The following ARHGEF17 variants were observed in gnomAD, a reference collection of about 807,000 sequenced individuals.
ARHGEF17 encodes the protein 164 kDa Rho-specific guanine-nucleotide exchange factor.
Under a neutral mutation model 174.0 loss-of-function variants are expected in ARHGEF17, and 80 were observed. The ratio of observed to expected loss-of-function variants is 0.46; its 90% CI spans 0.38 to 0.55. The LOEUF (loss-of-function observed/expected upper bound fraction) is 0.55, where lower values mean the gene tolerates loss of function less well. Ranked by LOEUF, ARHGEF17 falls within the 20% of genes least tolerant of loss-of-function variation. The pLI, the probability that ARHGEF17 is intolerant of heterozygous loss-of-function variation, is 0.00. For missense variants in ARHGEF17, 2,886 were observed against 2,839.7 expected (o/e 1.02, Z -0.37); for synonymous variants, 1,311 against 1,189.1 (o/e 1.10, Z -2.11).
rs766113881 is a variant in ARHGEF17 at position 73,309,506 on chromosome 11, G to A, written c.868G>A (p.Gly290Arg). 1.6e-5 allele frequency: 25 copies of A among 1,558,138 alleles called. 1 individual carries two copies. In the South Asian group the frequency reaches 2.8e-4, roughly 18 times the overall value. Residue 290 changes from glycine (G) to arginine (R), a missense_variant, in exon 1 of 21, where the codon GGA becomes AGA. By Grantham distance (125) the Gly-to-Arg change is moderately radical (BLOSUM62 -2). Coordinates refer to ENST00000263674, the MANE Select transcript of ARHGEF17 (RefSeq NM_014786.4). ...AGACGGTGAGGGCGGCCACCGCTGG[G>A]GAGGGAGGCCCGGGCTCAGGCCTGG... ...DRDGEGGHRW[G>R]GRPGLRPGSS...
chr11:73,347,937 C>A (rs1865492101), intron 2 of ARHGEF17, among the ~76,000 whole-genome samples: 1 of 152,086 alleles, frequency 6.6e-6, no homozygotes, highest in African/African-American at 2.4e-5. Flanking sequence ...TGGGGAAGCC[C>A]AAGATGATGT....
At chr11:73,353,242 C>T (rs1008241080) in intron 3 of ARHGEF17, 2 of 592,036 alleles carry the variant, frequency 3.4e-6, no homozygotes, top group African/African-American at 3.7e-5. Flanking sequence ...GACTCCGACC[C>T]CAGCCAGACA....
chr11:73,353,013 G>T lies in ARHGEF17; in HGVS notation c.3453+1G>T. 2 of 1,613,528 alleles carry T rather than the reference G, an allele frequency of 1.2e-6. No individual in the cohort carries two copies. Among genetic ancestry groups the T allele is most frequent in the Non-Finnish European group, 1.7e-6 (2 of 1,179,892 alleles). ...GGTGGGAGCCCTGCTCGTCCAGTCG[G>T]TGAGTGGCCCCGCTGCTGCCAATTC... On this transcript the variant is annotated splice_donor_variant, in intron 3 of 20. Transcript: ENST00000263674. LOFTEE classifies it high-confidence loss of function.
chr11:73,347,387 A>G (rs1734128914), intron 2 of ARHGEF17, among the ~76,000 whole-genome samples: 1 of 152,204 alleles, frequency 6.6e-6, no homozygotes, highest in Admixed American at 6.5e-5. Context: ...AAGAGAGCCC[A>G]GCCCCTGCCA....
Position 73,311,650 on chromosome 11 carries a change from G to A in ARHGEF17, c.3012G>A (p.Glu1004=). The A allele has an allele frequency of 1.2e-6, 2 of 1,613,390 alleles. No individual in the cohort carries two copies. Among genetic ancestry groups the A allele is most frequent in the Non-Finnish European group, 1.7e-6 (2 of 1,179,974 alleles). ...AHPTLQAPSL[E]DVTKQYMLNL... ...CCACGTTGCAGGCACCATCGCTCGA[G>A]GACGTCACCAAGCAGTACATGCTGA... Residue 1004 remains glutamate (E), a synonymous_variant, in exon 1 of 21, where the codon GAG becomes GAA. Transcript: ENST00000263674.
intron 1 of ARHGEF17, among the ~76,000 whole-genome samples, chr11:73,340,609 C>G (rs960277475): frequency 5.9e-5 from 9 of 152,350 alleles, no homozygotes; most frequent in Non-Finnish European, 1.3e-4. Flanking sequence ...CACACTGCCT[C>G]TCAGCCACTC....
intron 1 of ARHGEF17, among the ~76,000 whole-genome samples, chr11:73,312,382 A>G (rs550242256): frequency 6.6e-6 from 1 of 152,184 alleles, no homozygotes; most frequent in East Asian, 1.9e-4. Context: ...TTTATGGAGG[A>G]GCAGAGGGGG....
rs748464742 is a variant in ARHGEF17, at chr11:73,359,859, G to T, written c.4113G>T (p.Glu1371Asp). Residue 1371 changes from glutamate (E) to aspartate (D), a missense_variant, in exon 10 of 21, where the codon GAG becomes GAT. By Grantham distance (45) the Glu-to-Asp change is conservative. Transcript: ENST00000263674. ...GGGCATCCCAAGCCACCAATCGGGA[G>T]AACATCCAGAAGGCCATCAGCCGCC... ...IKGASQATNR[E>D]NIQKAISRLD... is the part of the protein sequence containing the mutation. 6.2e-7 allele frequency: 1 copy of T among 1,612,590 alleles called. No individual in the cohort carries two copies. The highest frequency in any genetic ancestry group is 8.5e-7 in the Non-Finnish European group (1 of 1,179,262).
At chr11:73,342,350 C>A (rs528963172) in intron 1 of ARHGEF17, among the ~76,000 whole-genome samples, 14 of 152,040 alleles carry the variant, frequency 9.2e-5, no homozygotes, top group Non-Finnish European at 1.9e-4. Context: ...TCCTTCAGGC[C>A]CAAGAGCTCC....
At chr11:73,319,024 A>G (rs1323815311) in intron 1 of ARHGEF17, among the ~76,000 whole-genome samples, 1 of 149,494 alleles carries the variant, frequency 6.7e-6, no homozygotes, top group African/African-American at 2.5e-5. Flanking sequence ...CTTCCCCAGC[A>G]TCTTCAAATC....
chr11:73,347,270 G>C (rs903777875), intron 2 of ARHGEF17: 1 of 473,098 alleles, frequency 2.1e-6, no homozygotes, highest in Non-Finnish European at 3.9e-6. Context: ...CTGATGTGCC[G>C]CCTCCATTGT....
At chr11:73,356,430 G>A in intron 6 of ARHGEF17, 79 bp downstream of exon 6, 1 of 1,468,044 alleles carries the variant, frequency 6.8e-7, no homozygotes, top group Non-Finnish European at 9.1e-7. Context: ...TGCATCTGTG[G>A]CCACCTGGAA....
intron 1 of ARHGEF17, among the ~76,000 whole-genome samples, chr11:73,329,406 T>G (rs1865167408): frequency 2.1e-5 from 2 of 95,206 alleles, no homozygotes; most frequent in South Asian, 3.2e-4. Flanking sequence ...TGGGTTTTTG[T>G]TTTTTTTTTT....
intron 1 of ARHGEF17, among the ~76,000 whole-genome samples, chr11:73,344,169 T>C (rs1865422370): frequency 6.6e-6 from 1 of 152,012 alleles, no homozygotes; most frequent in Admixed American, 6.5e-5. Context: ...AGGCTGGGTG[T>C]GAAGGGCTGT....
At chr11:73,334,808 C>T (rs1865260925) in intron 1 of ARHGEF17, among the ~76,000 whole-genome samples, 1 of 152,160 alleles carries the variant, frequency 6.6e-6, no homozygotes, top group African/African-American at 2.4e-5. Flanking sequence ...GGGCTGGAAA[C>T]AGACCCTGGA....
At chr11:73,357,424 TG>T in intron 9 of ARHGEF17, 97 bp downstream of exon 9, 1 of 1,190,494 alleles carries the variant, frequency 8.4e-7, no homozygotes, top group South Asian at 1.5e-5. Context: ...CCTGTCCAGC[TG>T]CTTTTCCACT....
At chr11:73,313,221 TG>T (rs1487631303) in intron 1 of ARHGEF17, among the ~76,000 whole-genome samples, 1 of 150,908 alleles carries the variant, frequency 6.6e-6, no homozygotes, top group Admixed American at 6.6e-5. Context: ...AGGCAGGGAG[TG>T]GGGAGCGGGG....
In ARHGEF17 at chr11:73,346,885, C is replaced by T; in HGVS notation, c.3195C>T (p.Asp1065=). The T allele has an allele frequency of 6.7e-7, 1 of 1,497,426 alleles. No homozygotes were observed. The highest frequency in any genetic ancestry group is 8.9e-7 in the Non-Finnish European group (1 of 1,117,938). 92.8% of individuals were successfully genotyped at this position (1,497,426 alleles called of 1,614,324 possible). A position where few individuals can be genotyped will look rare whatever the true frequency, so the allele number is the denominator to read the frequency against. ...ACCCTCTGCTCCTGTCCCCACAGGACATGCGGAAGCACGTGGCCATGACCC... is the reference window on the plus strand; with the variant it reads ...ACCCTCTGCTCCTGTCCCCACAGGATATGCGGAAGCACGTGGCCATGACCC... ...ASKCCSKPQV[D]MRKHVAMTLL... The change falls in exon 2 of 21, where the codon GAC becomes GAT. Residue 1065 remains aspartate, a splice_region_variant and synonymous_variant. Coordinates refer to ENST00000263674, the MANE Select transcript of ARHGEF17 (RefSeq NM_014786.4).
rs929073511 is a variant in ARHGEF17, at chr11:73,346,056, C to T, written c.3193-827C>T. Among the ~76,000 whole-genome samples the T allele has an allele frequency of 2.0e-5, 3 of 152,160 alleles. No individual in the cohort carries two copies. In the South Asian group the frequency reaches 6.2e-4, roughly 32 times the overall value. The stretch of plus-strand genomic sequence containing the variant: ...ACAAGGCATCCCAGACAGGGATGAG[C>T]ACCCTGTGCCTGGGGGTGTGGGTGC... On this transcript the variant is annotated intron_variant, in intron 1 of 20. Coordinates refer to ENST00000263674, the MANE Select transcript of ARHGEF17 (RefSeq NM_014786.4).
Sources: gnomAD v4.1 joint callset for allele counts (sites outside exome capture counted in the v4.1 genomes callset) on GRCh38, gnomAD v4.1.1 for gene constraint, MANE v1.5 for transcripts, NCBI Gene and HGNC (gene_info 2026-07-23, HGNC 2026-07-21) for gene names.